Variants in MGAM observed in about 807,000 individuals in gnomAD.
MGAM encodes maltase-glucoamylase, also known as alpha-1,4-glucosidase.
MGAM carries 253 observed loss-of-function variants against 358.8 expected under a neutral mutation model. The ratio of observed to expected loss-of-function variants is 0.71; its 90% CI spans 0.64 to 0.78. The LOEUF is 0.78. MGAM is among the 30% of genes least tolerant of loss of function. The pLI is 0.00. For missense variants in MGAM, 3,080 were observed against 3,432.6 expected, an observed-to-expected ratio of 0.90 and a Z score of 2.57; for synonymous variants, 1,105 against 1,227.1, an observed-to-expected ratio of 0.90 and a Z score of 2.08.
At chr7:142,021,152 T>A (rs1806421564) in intron 5 of MGAM, 69 bp downstream of exon 5, 4 of 1,128,114 alleles carry the variant, frequency 3.5e-6, no homozygotes, top group Non-Finnish European at 5.1e-6. Flanking sequence ...TGAGTGCAGT[T>A]ACTACAAAAT....
chr7:142,025,864 A>G (rs1463646067), intron 8 of MGAM, among the ~76,000 whole-genome samples: 2 of 152,224 alleles, frequency 1.3e-5, no homozygotes, highest in African/African-American at 4.8e-5. Context: ...ATTCTAGGAC[A>G]TCTAAGAGAT....
At position 142,099,596 on chromosome 7, in the gene MGAM, C is replaced by T. The variant is rs62479371; in HGVS notation, c.7750-17C>T. Reference sequence around the variant, plus strand: ...CTGTCCTCTCCTTAGTCATCTCTTACCTTCTTCTGCCTCCAGGGTGTGGAT... The same window carrying T: ...CTGTCCTCTCCTTAGTCATCTCTTATCTTCTTCTGCCTCCAGGGTGTGGAT... On this transcript the variant is annotated splice_polypyrimidine_tract_variant and intron_variant, in intron 66 of 70. Coordinates refer to ENST00000475668, the MANE Select transcript of MGAM (RefSeq NM_001365693.1). 0.3 allele frequency: 488,392 copies of T among 1,613,274 alleles called. 77,581 individuals carry two copies. The highest frequency in any genetic ancestry group is 0.33 in the Non-Finnish European group (385,324 of 1,179,440).
At chr7:142,045,252 A>T (rs191513036) in intron 21 of MGAM, among the ~76,000 whole-genome samples, 12 of 64,196 alleles carry the variant, frequency 1.9e-4, no homozygotes, top group Non-Finnish European at 2.9e-4. Context: ...ATAATATATG[A>T]TATATAATAT....
rs1585085471 is a variant in MGAM at position 142,086,717 on chromosome 7, G to A, written c.6810G>A (p.Glu2270=). 2.7e-6 allele frequency: 3 copies of A among 1,106,856 alleles called. 1 individual carries two copies. Among genetic ancestry groups the A allele is most frequent in the Non-Finnish European group, 3.7e-6 (3 of 802,084 alleles). The allele number at this position is 1,106,856 out of a possible 1,614,324, so 68.6% of individuals were successfully genotyped here. Residue 2270 remains glutamate (E), a splice_region_variant and synonymous_variant, in exon 57 of 71, where the codon GAG becomes GAA. Coordinates refer to ENST00000475668, the MANE Select transcript of MGAM (RefSeq NM_001365693.1). ...NGSLDWDSQV[E]LYRAYVAFPD... ...CTCTAGACTGGGACAGTCAAGTGGA[G>A]GTAAAGGGTCTTTGTAAATTTGGGT...
rs1563165577 is a variant in MGAM at position 142,050,207 on chromosome 7, AT to A, written c.2588-27del. The A allele has an allele frequency of 2.5e-6, 4 of 1,613,076 alleles. No homozygotes were observed. The Admixed American group carries it at 6.7e-5, about 27-fold the overall frequency. On this transcript the variant is annotated intron_variant, in intron 22 of 70. Transcript: ENST00000475668. ...GTTCTTCTGAGGTGGGCAGGCCAGA[AT>A]CTGACTTGTCTTTCTCTCACTTTCA...
chr7:142,061,444 T>C (rs62477624), intron 34 of MGAM, among the ~76,000 whole-genome samples: 12,223 of 152,222 alleles, frequency 0.08, 567 homozygotes, highest in African/African-American at 0.1. Context: ...CAAGATTCTC[T>C]GTGATGTGAC....
At position 142,090,440 on chromosome 7, in the gene MGAM, C is replaced by T. The variant is rs1338688484; in HGVS notation, c.6811-1473C>T. Reference sequence around the variant, plus strand: ...AGATTCTCTTTGTCAGGTTTCCTAGCTTCTACCTCCATTTCCTAACAAAAG... The same window carrying T: ...AGATTCTCTTTGTCAGGTTTCCTAGTTTCTACCTCCATTTCCTAACAAAAG... On this transcript the variant is annotated intron_variant, in intron 57 of 70. Coordinates refer to ENST00000475668, the MANE Select transcript of MGAM (RefSeq NM_001365693.1). 3.6e-4 allele frequency among the ~76,000 whole-genome samples: 53 copies of T among 145,958 alleles called. 8 individuals carry two copies. Among genetic ancestry groups the T allele is most frequent in the Non-Finnish European group, 6.5e-4 (42 of 64,444 alleles).
chr7:142,065,258 G>A (rs556146866), intron 37 of MGAM, 77 bp from the exon 38 acceptor site: 2 of 1,551,064 alleles, frequency 1.3e-6, no homozygotes, highest in Non-Finnish European at 1.7e-6. Flanking sequence ...TAGGCTCAAG[G>A]GCTCTGGGAG....
At chr7:142,092,847 G>A (rs1815528482) in intron 59 of MGAM, among the ~76,000 whole-genome samples, 1 of 146,562 alleles carries the variant, frequency 6.8e-6, no homozygotes, top group Admixed American at 6.8e-5. Context: ...GAGTGGTCAT[G>A]CCACCAAAGG....
intron 18 of MGAM, among the ~76,000 whole-genome samples, chr7:142,038,284 A>AC (rs1399082492): frequency 5.9e-5 from 9 of 152,150 alleles, no homozygotes; most frequent in Admixed American, 5.9e-4. Context: ...ACAGCCTGGG[A>AC]CCTGCCTAGC....
At chr7:142,045,203 T>G (rs1361160017) in intron 21 of MGAM, among the ~76,000 whole-genome samples, 1 of 57,434 alleles carries the variant, frequency 1.7e-5, no homozygotes, top group Non-Finnish European at 3.3e-5. Flanking sequence ...TAATATATAT[T>G]ATATAACATA....
At chr7:142,064,066 G>C (rs7797360) in intron 36 of MGAM, among the ~76,000 whole-genome samples, 1 of 152,028 alleles carries the variant, frequency 6.6e-6, no homozygotes, top group South Asian at 2.1e-4. Context: ...TGTAAAAGAC[G>C]GATAATGAGA....
In MGAM at chr7:142,052,790, A is replaced by G. The variant is rs1470247194; in HGVS notation, c.2965A>G (p.Asn989Asp). The G allele has an allele frequency of 1.9e-6, 3 of 1,613,776 alleles. No homozygotes were observed. The highest frequency in any genetic ancestry group is 2.5e-6 in the Non-Finnish European group (3 of 1,179,762). ...CTTTGGCCTTACTTTTCAGGCATCCAATTCTTCTGGAGTCCCTTTTTGCTA... is the reference window on the plus strand; with the variant it reads ...CTTTGGCCTTACTTTTCAGGCATCCGATTCTTCTGGAGTCCCTTTTTGCTA... ...TARGCIWEAS[N>D]SSGVPFCYFV... The change falls in exon 26 of 71, where the codon AAT (asparagine) becomes GAT (aspartate). Residue 989 changes from asparagine to aspartate, a missense_variant. Transcript: ENST00000475668.
chr7:142,046,554 T>C (rs1188080578), intron 21 of MGAM, among the ~76,000 whole-genome samples: 1 of 152,106 alleles, frequency 6.6e-6, no homozygotes, highest in Admixed American at 6.6e-5. Context: ...AGTAGCCCAA[T>C]TTTAACCTTG....
At chr7:142,040,983 G>C in intron 21 of MGAM, 137 bp downstream of exon 21, 1 of 1,060,650 alleles carries the variant, frequency 9.4e-7, no homozygotes, top group Non-Finnish European at 1.3e-6. Context: ...AGCACCAAAA[G>C]TCTCTTCCCT....
rs13309170 is a variant in MGAM, at chr7:142,076,877, A to G, written c.5493+51A>G. The G allele has an allele frequency of 8.3e-4, 1,245 of 1,506,558 alleles. 35 individuals are homozygous for G. Among genetic ancestry groups the G allele is most frequent in the East Asian group, 2.1e-3 (92 of 43,280 alleles). 93.3% of individuals were successfully genotyped at this position (1,506,558 alleles called of 1,614,324 possible). ...TACATTGAGAATTCTCCATAGCACC[A>G]TGATGTTTCTTCTTGCCAAGTTTGC... is the stretch of plus-strand genomic sequence containing the variant. On this transcript the variant is annotated intron_variant, in intron 47 of 70. Transcript: ENST00000475668.
intron 21 of MGAM, among the ~76,000 whole-genome samples, chr7:142,043,142 A>C (rs1300158353): frequency 9.4e-3 from 111 of 11,790 alleles, no homozygotes; most frequent in Non-Finnish European, 0.014. Flanking sequence ...ATATATACAT[A>C]TAATATCTAA....
Position 142,081,741 on chromosome 7 carries a change from A to G in MGAM, c.6003-301A>G, listed in dbSNP as rs1349247930. Among the ~76,000 whole-genome samples the G allele has an allele frequency of 3.4e-5, 5 of 145,702 alleles. 1 individual carries two copies. The highest frequency in any genetic ancestry group is 7.8e-5 in the Non-Finnish European group (5 of 64,320). On this transcript the variant is annotated intron_variant, in intron 50 of 70. Coordinates refer to ENST00000475668, the MANE Select transcript of MGAM (RefSeq NM_001365693.1). ...ACGTAGAAAATGCGCTGAGGGGTGC[A>G]AGGGTGGAAGGCAGTGCTGGTGTGG...
intron 3 of MGAM, among the ~76,000 whole-genome samples, chr7:142,014,247 C>T (rs973293678): frequency 9.2e-5 from 14 of 152,044 alleles, no homozygotes; most frequent in African/African-American, 7.2e-5. Flanking sequence ...TTCTGTAGGT[C>T]GTTATGTTGG....
Sources: gnomAD v4.1 joint callset for allele counts (sites outside exome capture counted in the v4.1 genomes callset) on GRCh38, gnomAD v4.1.1 for gene constraint, MANE v1.5 for transcripts, NCBI Gene and HGNC (gene_info 2026-07-23, HGNC 2026-07-21) for gene names.